The following YAP1 variants were observed in gnomAD, a reference collection of about 807,000 sequenced individuals.
YAP1 encodes transcriptional coactivator YAP1.
Under a neutral mutation model 56.9 loss-of-function variants are expected in YAP1, and 5 were observed. That is an observed-to-expected ratio of 0.09 (90% CI 0.05 to 0.18). YAP1 has a LOEUF of 0.18. Ranked by LOEUF, YAP1 falls within the 10% of genes least tolerant of loss-of-function variation. The probability of loss-of-function intolerance (pLI) is 1.00; values close to 1 mark genes in which losing one functional copy is unlikely to be tolerated. For missense variants in YAP1, 539 were observed against 651.8 expected (o/e 0.83, Z 1.88); for synonymous variants, 265 against 248.1 (o/e 1.07, Z -0.64).
At chr11:102,184,616 G>T (rs1326212729) in intron 3 of YAP1, among the ~76,000 whole-genome samples, 1 of 152,138 alleles carries the variant, frequency 6.6e-6, no homozygotes, top group East Asian at 1.9e-4. Context: ...TTCCTAATAC[G>T]AATGAAACTG....
intron 2 of YAP1, among the ~76,000 whole-genome samples, chr11:102,117,561 T>C (rs574586209): frequency 6.6e-6 from 1 of 152,326 alleles, no homozygotes; most frequent in Non-Finnish European, 1.5e-5. Flanking sequence ...TTAGTTGGCC[T>C]ATCATCTAGT....
intron 4 of YAP1, among the ~76,000 whole-genome samples, chr11:102,187,884 T>C (rs1010263056): frequency 3.3e-5 from 5 of 152,242 alleles, no homozygotes; most frequent in Admixed American, 2.0e-4. Flanking sequence ...AATTCTCTTA[T>C]TGCATTTAGT....
At chr11:102,204,498 G>A (rs1443392816) in intron 4 of YAP1, among the ~76,000 whole-genome samples, 2 of 152,172 alleles carry the variant, frequency 1.3e-5, no homozygotes, top group Admixed American at 6.5e-5. Flanking sequence ...AATGTCAGTA[G>A]ACAATATGGA....
At chr11:102,198,300 A>C (rs1948673601) in intron 4 of YAP1, among the ~76,000 whole-genome samples, 2 of 152,308 alleles carry the variant, frequency 1.3e-5, no homozygotes, top group African/African-American at 4.8e-5. Flanking sequence ...TGTTGTCAGC[A>C]TTGGCTATTG....
At chr11:102,160,433 T>G (rs1256878650) in intron 2 of YAP1, among the ~76,000 whole-genome samples, 2 of 152,212 alleles carry the variant, frequency 1.3e-5, no homozygotes, top group African/African-American at 4.8e-5. Flanking sequence ...TAACAAATCA[T>G]GAACATTGTG....
At chr11:102,159,515 A>T (rs769604595) in intron 2 of YAP1, among the ~76,000 whole-genome samples, 18 of 152,216 alleles carry the variant, frequency 1.2e-4, no homozygotes, top group Non-Finnish European at 5.9e-5. Flanking sequence ...ATCTTCACTT[A>T]ACTGAACTCT....
At chr11:102,118,565 G>A (rs956513871) in intron 2 of YAP1, among the ~76,000 whole-genome samples, 17 of 148,142 alleles carry the variant, frequency 1.1e-4, no homozygotes, top group East Asian at 6.0e-4. Context: ...CTGGGTTCGC[G>A]TGATTCTCCT....
chr11:102,141,784 A>G (rs557305134), intron 2 of YAP1, among the ~76,000 whole-genome samples: 75 of 152,312 alleles, frequency 4.9e-4, no homozygotes, highest in African/African-American at 1.8e-3. Context: ...AGATGTGGTA[A>G]GGCCCATTGG....
chr11:102,163,366 G>T (rs745622739), intron 3 of YAP1, among the ~76,000 whole-genome samples: 4 of 152,162 alleles, frequency 2.6e-5, no homozygotes, highest in African/African-American at 9.7e-5. Context: ...ATCACATACT[G>T]TCTGGCGTCT....
At chr11:102,172,203 T>A (rs7933592) in intron 3 of YAP1, among the ~76,000 whole-genome samples, 64,763 of 139,714 alleles carry the variant, frequency 0.46, 15,110 homozygotes, top group East Asian at 0.63. Flanking sequence ...CAAAAAAAAA[T>A]AAAAGAAAAA....
chr11:102,232,243 G>A lies in YAP1; in HGVS notation c.*2303G>A, dbSNP rs915168048. ...TAAGATTATATCTTATATATCAGCA[G>A]ATTAGCTTTAGCTTAGGGGGAGGGT... is the stretch of plus-strand genomic sequence containing the variant. On this transcript the variant is annotated 3_prime_UTR_variant, in exon 9 of 9. Transcript: ENST00000282441. 1 of 120,674 alleles carries A rather than the reference G, an allele frequency of 8.3e-6. No homozygotes were observed. Among genetic ancestry groups the A allele is most frequent in the African/African-American group, 3.2e-5 (1 of 31,444 alleles). 7.5% of individuals were successfully genotyped at this position (120,674 alleles called of 1,614,324 possible).
intron 3 of YAP1, among the ~76,000 whole-genome samples, chr11:102,183,943 G>A: frequency 6.6e-6 from 1 of 150,930 alleles, no homozygotes; most frequent in East Asian, 1.9e-4. Flanking sequence ...CGGGCGTAGT[G>A]GCGGGCGCCT....
intron 3 of YAP1, among the ~76,000 whole-genome samples, chr11:102,163,482 G>T (rs943404315): frequency 6.6e-6 from 1 of 152,098 alleles, no homozygotes; most frequent in Non-Finnish European, 1.5e-5. Flanking sequence ...ATTGTGCCTG[G>T]CATCAGAGAT....
chr11:102,118,590 A>G (rs1257669800), intron 2 of YAP1, among the ~76,000 whole-genome samples: 2 of 151,482 alleles, frequency 1.3e-5, no homozygotes, highest in Non-Finnish European at 2.9e-5. Flanking sequence ...CATCTCTACA[A>G]AAATACAAAA....
At chr11:102,113,189 C>T (rs992365064) in intron 1 of YAP1, among the ~76,000 whole-genome samples, 13 of 152,130 alleles carry the variant, frequency 8.5e-5, no homozygotes, top group Non-Finnish European at 1.9e-4. Context: ...TTTTGATAAT[C>T]AAACTCTAAT....
intron 2 of YAP1, among the ~76,000 whole-genome samples, chr11:102,142,639 A>G (rs1945087655): frequency 6.6e-6 from 1 of 152,156 alleles, no homozygotes; most frequent in South Asian, 2.1e-4. Context: ...GACTGTTTTG[A>G]TTGTCAAGTA....
intron 2 of YAP1, among the ~76,000 whole-genome samples, chr11:102,122,706 C>T (rs1288138756): frequency 6.6e-6 from 1 of 151,832 alleles, no homozygotes; most frequent in Non-Finnish European, 1.5e-5. Flanking sequence ...CCAGCCTGGC[C>T]AACATGGTGA....
chr11:102,206,565 G>A (rs1310571080), intron 5 of YAP1, among the ~76,000 whole-genome samples: 2 of 152,152 alleles, frequency 1.3e-5, no homozygotes, highest in East Asian at 1.9e-4. Flanking sequence ...GTTACCTTTG[G>A]CCAGGTGCGG....
At chr11:102,132,361 T>A (rs1012493390) in intron 2 of YAP1, among the ~76,000 whole-genome samples, 1 of 152,248 alleles carries the variant, frequency 6.6e-6, no homozygotes, top group Non-Finnish European at 1.5e-5. Context: ...AAGAGAGTCC[T>A]CGCTTGATGC....
Sources: allele counts gnomAD v4.1 joint callset (sites outside exome capture counted in the v4.1 genomes callset), GRCh38; gene constraint gnomAD v4.1.1; transcripts MANE v1.5; gene names NCBI Gene and HGNC (gene_info 2026-07-23, HGNC 2026-07-21).